Variants in DNAJC6 observed in about 807,000 individuals in gnomAD.
DNAJC6 encodes auxilin.
DNAJC6 carries 34 observed loss-of-function variants against 110.0 expected under a neutral mutation model. The ratio of observed to expected loss-of-function variants is 0.31; its 90% CI spans 0.24 to 0.41. The LOEUF (loss-of-function observed/expected upper bound fraction) is 0.41, where lower values mean the gene tolerates loss of function less well. DNAJC6 is among the 10% of genes least tolerant of loss of function. The pLI is 1.00. For missense variants in DNAJC6, 1,031 were observed against 1,207.8 expected (o/e 0.85, Z 2.17); for synonymous variants, 406 against 437.2 (o/e 0.93, Z 0.89).
At chr1:65,264,779 C>CA in exon 1 of DNAJC6, 1 of 1,501,420 alleles carries the variant, frequency 6.7e-7, no homozygotes, top group Non-Finnish European at 8.9e-7. Context: ...ATGCAATTAT[C>CA]ATAGCCCGAG....
upstream of DNAJC6, chr1:65,309,511 C>CTCCT: frequency 1.2e-6 from 1 of 819,452 alleles, no homozygotes; most frequent in Non-Finnish European, 1.5e-6. Flanking sequence ...CCGGCCGCGT[C>CTCCT]TCCTTCCCTC....
intron 1 of DNAJC6, among the ~76,000 whole-genome samples, chr1:65,342,553 T>C (rs2101489865): frequency 6.6e-6 from 1 of 152,300 alleles, no homozygotes; most frequent in African/African-American, 2.4e-5. Context: ...TTTCTGTTCT[T>C]AATAAGCCAC....
chr1:65,298,679 T>G (rs1444365774), intron 1 of DNAJC6: 1 of 152,214 alleles, frequency 6.6e-6, no homozygotes, highest in Non-Finnish European at 1.5e-5. Flanking sequence ...GTTTCACAGA[T>G]AGTTCAGGAA....
chr1:65,326,149 TC>T (rs1009315384), intron 1 of DNAJC6, among the ~76,000 whole-genome samples: 1 of 152,126 alleles, frequency 6.6e-6, no homozygotes, highest in Non-Finnish European at 1.5e-5. Flanking sequence ...CTCCCCTCTC[TC>T]CCCACAACAG....
At chr1:65,338,287 A>G (rs1645357131) in intron 1 of DNAJC6, among the ~76,000 whole-genome samples, 2 of 152,214 alleles carry the variant, frequency 1.3e-5, no homozygotes, top group African/African-American at 4.8e-5. Context: ...TTGTGCCACA[A>G]TACACAGCCA....
At chr1:65,310,192 A>G (rs1441839806) in intron 1 of DNAJC6, among the ~76,000 whole-genome samples, 1 of 139,256 alleles carries the variant, frequency 7.2e-6, no homozygotes, top group Non-Finnish European at 1.5e-5. Context: ...ACTGCTGAAT[A>G]CGGCAGCTGG....
At chr1:65,300,262 CT>C (rs1000408105) in intron 1 of DNAJC6, among the ~76,000 whole-genome samples, 13 of 152,060 alleles carry the variant, frequency 8.5e-5, no homozygotes, top group Non-Finnish European at 1.8e-4. Flanking sequence ...TTCTATTTTA[CT>C]GTTTCATTGT....
At chr1:65,269,205 T>TA (rs1653428228) in intron 1 of DNAJC6, among the ~76,000 whole-genome samples, 1 of 151,834 alleles carries the variant, frequency 6.6e-6, no homozygotes, top group African/African-American at 2.4e-5. Context: ...CCCTCTCTAC[T>TA]AAAAATACAG....
intron 1 of DNAJC6, among the ~76,000 whole-genome samples, chr1:65,303,042 A>T (rs1466947971): frequency 6.6e-6 from 1 of 152,244 alleles, no homozygotes; most frequent in African/African-American, 2.4e-5. Context: ...ACGTTGTTAT[A>T]CTATGAGCAT....
intron 1 of DNAJC6, among the ~76,000 whole-genome samples, chr1:65,319,813 C>T (rs1208234129): frequency 3.3e-5 from 5 of 151,870 alleles, no homozygotes; most frequent in African/African-American, 1.2e-4. Context: ...CAGTCTTTCC[C>T]TCTCTTCTCT....
At chr1:65,380,893 T>G (rs1177575829) in intron 5 of DNAJC6, among the ~76,000 whole-genome samples, 3 of 135,548 alleles carry the variant, frequency 2.2e-5, no homozygotes, top group African/African-American at 9.5e-5. Flanking sequence ...GGAGGGAGTT[T>G]TTTTTTTTTT....
In DNAJC6 at chr1:65,415,842, T is replaced by C. The variant is rs1646166414; in HGVS notation, c.*2817T>C. ...TTGCTTTTTGGCCTTTTGGCTAAAA[T>C]AAATGTAGCATCTAATTTTATCAGT... On this transcript the variant is annotated 3_prime_UTR_variant, in exon 19 of 19. Transcript: ENST00000371069. The C allele has an allele frequency of 6.6e-6, 1 of 151,980 alleles. No individual in the cohort carries two copies. Among genetic ancestry groups the C allele is most frequent in the Non-Finnish European group, 1.5e-5 (1 of 67,992 alleles). 9.4% of individuals were successfully genotyped at this position (151,980 alleles called of 1,614,324 possible).
chr1:65,379,286 A>G, intron 4 of DNAJC6, 116 bp from the exon 5 acceptor site: 3 of 1,277,584 alleles, frequency 2.3e-6, no homozygotes, highest in Admixed American at 2.3e-5. Context: ...CACTATTCCT[A>G]TCTATATTAA....
intron 1 of DNAJC6, among the ~76,000 whole-genome samples, chr1:65,314,490 A>AC (rs1290939489): frequency 1.3e-5 from 2 of 150,180 alleles, no homozygotes; most frequent in Non-Finnish European, 3.0e-5. Flanking sequence ...CTTATTTTTT[A>AC]TTTTTTTTTT....
chr1:65,398,809 G>A lies in DNAJC6; in HGVS notation c.2039-4G>A. The A allele has an allele frequency of 6.2e-7, 1 of 1,613,998 alleles. No homozygotes were observed. The highest frequency in any genetic ancestry group is 1.1e-5 in the South Asian group (1 of 91,078). ...CTCATTCTTTTTCTTTTCCCCATTTGCAGCTTCTAGTACGCCTGCTGTGAA... is the reference window on the plus strand; with the variant it reads ...CTCATTCTTTTTCTTTTCCCCATTTACAGCTTCTAGTACGCCTGCTGTGAA... On this transcript the variant is annotated splice_polypyrimidine_tract_variant and splice_region_variant and intron_variant, in intron 13 of 18. Transcript: ENST00000371069.
rs1445760541 is a variant in DNAJC6, at chr1:65,392,646, T to A, written c.1684T>A (p.Ser562Thr). Reference protein sequence around the residue: ...EDVDLLGLEGSAMSNSFSPPA... With the variant: ...EDVDLLGLEGTAMSNSFSPPA... ...TGTGGACCTTTTGGGCCTGGAAGGG[T>A]CTGCAATGAGTAACAGCTTCTCTCC... is the stretch of plus-strand genomic sequence containing the variant. Residue 562 changes from serine to threonine, a missense_variant, in exon 12 of 19, where the codon TCT becomes ACT. Transcript: ENST00000371069. The A allele has an allele frequency of 6.2e-7, 1 of 1,613,362 alleles. No homozygotes were observed.
intron 1 of DNAJC6, among the ~76,000 whole-genome samples, chr1:65,324,367 G>GC (rs1553139007): frequency 6.8e-6 from 1 of 146,814 alleles, no homozygotes; most frequent in Non-Finnish European, 1.5e-5. Context: ...GTTTTGTTTT[G>GC]TTTTTTTTTT....
At chr1:65,384,471 C>T in intron 6 of DNAJC6, 145 bp downstream of exon 6, 1 of 788,580 alleles carries the variant, frequency 1.3e-6, no homozygotes, top group Non-Finnish European at 1.7e-6. Flanking sequence ...TGAAGAACTA[C>T]TTGAGACTGG....
At chr1:65,367,832 T>G (rs1321002249) in intron 4 of DNAJC6, among the ~76,000 whole-genome samples, 1 of 151,286 alleles carries the variant, frequency 6.6e-6, no homozygotes, top group African/African-American at 2.4e-5. Context: ...ATTAAACACC[T>G]ACCCTGGGCT....
Sources: gnomAD v4.1 joint callset for allele counts (sites outside exome capture counted in the v4.1 genomes callset) on GRCh38, gnomAD v4.1.1 for gene constraint, MANE v1.5 for transcripts, NCBI Gene and HGNC (gene_info 2026-07-23, HGNC 2026-07-21) for gene names.